Variants in VKORC1L1 observed in about 807,000 individuals in gnomAD.
VKORC1L1 encodes the protein vitamin K epoxide reductase complex subunit 1L1, also known as vitamin K epoxide reductase complex subunit 1-like protein 1.
In VKORC1L1, 2 loss-of-function variants were observed where a neutral mutation model predicts 18.9. That is an observed-to-expected ratio of 0.11 (90% CI 0.04 to 0.33). The LOEUF is 0.33. VKORC1L1 is among the 10% of genes least tolerant of loss of function. The pLI is 1.00. For missense variants in VKORC1L1, 123 were observed against 224.1 expected (o/e 0.55, Z 2.88); for synonymous variants, 96 against 100.0 (o/e 0.96, Z 0.24).
At chr7:65,937,243 A>ACCC (rs1554301274) in intron 1 of VKORC1L1, among the ~76,000 whole-genome samples, 1 of 152,078 alleles carries the variant, frequency 6.6e-6, no homozygotes, top group Non-Finnish European at 1.5e-5. Context: ...TCCAGTTTTT[A>ACCC]CTCTCCTCTA....
At chr7:65,906,078 C>T (rs992901432) in intron 1 of VKORC1L1, among the ~76,000 whole-genome samples, 1 of 151,834 alleles carries the variant, frequency 6.6e-6, no homozygotes, top group Admixed American at 6.6e-5. Flanking sequence ...GTTTTGAAGA[C>T]ACATTCCGTA....
intron 1 of VKORC1L1, among the ~76,000 whole-genome samples, chr7:65,883,531 A>C (rs1386585231): frequency 6.6e-6 from 1 of 151,234 alleles, no homozygotes; most frequent in Non-Finnish European, 1.5e-5. Flanking sequence ...ACGGAGTTTC[A>C]CTCTTTCACC....
rs920310433 is a variant in VKORC1L1 at position 65,959,389 on chromosome 7, TAA to T, written c.*5092_*5093del. 5 of 151,970 alleles carry T rather than the reference TAA, an allele frequency of 3.3e-5. No individual in the cohort carries two copies. Among genetic ancestry groups the T allele is most frequent in the African/African-American group, 2.4e-5 (1 of 41,234 alleles). 9.4% of individuals were successfully genotyped at this position (151,970 alleles called of 1,614,324 possible). ...TTAACTTTTCTTAATGTTTGTCAAC[TAA>T]AAGTTTTATTCATTATACTTTGACA... On this transcript the variant is annotated 3_prime_UTR_variant, in exon 3 of 3. Transcript: ENST00000360768.
chr7:65,907,168 G>A (rs1351112497), intron 1 of VKORC1L1, among the ~76,000 whole-genome samples: 3 of 152,062 alleles, frequency 2.0e-5, no homozygotes, highest in Admixed American at 1.3e-4. Context: ...GGCCAGGCTC[G>A]GTGGCTCATG....
intron 2 of VKORC1L1, among the ~76,000 whole-genome samples, chr7:65,952,763 G>A (rs1476320789): frequency 6.9e-6 from 1 of 145,368 alleles, no homozygotes; most frequent in Admixed American, 7.3e-5. Context: ...CAGAATTCAG[G>A]TGCCTTTTTT....
At position 65,929,492 on chromosome 7, in the gene VKORC1L1, C is replaced by T. The variant is rs145805924; in HGVS notation, c.195-19179C>T. Among the ~76,000 whole-genome samples, 80 of 152,144 alleles carry T rather than the reference C, an allele frequency of 5.3e-4. 1 individual carries two copies. The highest frequency in any genetic ancestry group is 1.8e-3 in the African/African-American group (73 of 41,526). On this transcript the variant is annotated intron_variant, in intron 1 of 2. Coordinates refer to ENST00000360768, the MANE Select transcript of VKORC1L1 (RefSeq NM_173517.6). ...GATCATTGTGTCTGTCCTTTCACCA[C>T]TACCACACTGTCTTGATTACAGTAG...
chr7:65,935,871 T>A (rs932393193), intron 1 of VKORC1L1, among the ~76,000 whole-genome samples: 6 of 152,186 alleles, frequency 3.9e-5, no homozygotes, highest in African/African-American at 1.4e-4. Context: ...TGCATCAATC[T>A]CTTTCTTTCT....
chr7:65,892,473 A>T (rs1442046757), intron 1 of VKORC1L1, among the ~76,000 whole-genome samples: 1 of 152,012 alleles, frequency 6.6e-6, no homozygotes, highest in Non-Finnish European at 1.5e-5. Context: ...ACGATATCTC[A>T]TTGTAGTTTT....
At chr7:65,915,895 G>A (rs2115596509) in intron 1 of VKORC1L1, among the ~76,000 whole-genome samples, 2 of 152,128 alleles carry the variant, frequency 1.3e-5, no homozygotes, top group East Asian at 3.9e-4. Context: ...CAGATCACTT[G>A]AGGTCAGGAG....
the VKORC1L1 span, among the ~76,000 whole-genome samples, chr7:65,867,824 C>T: frequency 6.6e-6 from 1 of 152,068 alleles, no homozygotes. Context: ...ACCATGGGAG[C>T]AATGTTAAAG....
intron 1 of VKORC1L1, among the ~76,000 whole-genome samples, chr7:65,934,570 A>G (rs534842179): frequency 2.6e-5 from 4 of 151,594 alleles, no homozygotes; most frequent in East Asian, 1.9e-4. Context: ...CCACCATTCT[A>G]CTCTCTGCTT....
chr7:65,936,269 T>C (rs1194836019), intron 1 of VKORC1L1, among the ~76,000 whole-genome samples: 1 of 152,204 alleles, frequency 6.6e-6, no homozygotes, highest in African/African-American at 2.4e-5. Flanking sequence ...AGCATCTGTG[T>C]CATCTCAGGG....
chr7:65,895,453 GAAAAAAAAAAAAAAA>G (rs1167891625), intron 1 of VKORC1L1, among the ~76,000 whole-genome samples: 2 of 26,666 alleles, frequency 7.5e-5, no homozygotes, highest in African/African-American at 2.2e-4. Flanking sequence ...CCATCTGTGA[GAAAAAAAAAAAAAAA>G]AAAAAAAAAA....
chr7:65,921,676 G>A (rs950502901), intron 1 of VKORC1L1, among the ~76,000 whole-genome samples: 4 of 152,068 alleles, frequency 2.6e-5, no homozygotes, highest in African/African-American at 4.8e-5. Flanking sequence ...GTGAAACCCC[G>A]TCTCTACTAA....
intron 1 of VKORC1L1, among the ~76,000 whole-genome samples, chr7:65,922,134 G>T (rs1789686045): frequency 6.6e-6 from 1 of 151,922 alleles, no homozygotes; most frequent in African/African-American, 2.4e-5. Context: ...TGTCATTATT[G>T]TCATTTATTT....
chr7:65,910,347 G>A, intron 1 of VKORC1L1, among the ~76,000 whole-genome samples: 1 of 148,436 alleles, frequency 6.7e-6, no homozygotes, highest in East Asian at 2.0e-4. Context: ...ATACTGTTTA[G>A]TTCAACTGAC....
intron 1 of VKORC1L1, among the ~76,000 whole-genome samples, chr7:65,901,405 G>C (rs1789313657): frequency 6.6e-6 from 1 of 152,144 alleles, no homozygotes; most frequent in Admixed American, 6.6e-5. Context: ...TACTTGATTT[G>C]CGATATGTAT....
chr7:65,873,672 G>C, intron 1 of VKORC1L1, 107 bp downstream of exon 1: 1 of 1,146,184 alleles, frequency 8.7e-7, no homozygotes, highest in Non-Finnish European at 1.1e-6. Context: ...GGCGGGGACC[G>C]GGCCGCTGGG....
chr7:65,910,203 G>A (rs1413838689), intron 1 of VKORC1L1, among the ~76,000 whole-genome samples: 1 of 152,106 alleles, frequency 6.6e-6, no homozygotes, highest in Non-Finnish European at 1.5e-5. Context: ...TTTCTCCTCA[G>A]TACCATTGTT....
Sources: gnomAD v4.1 joint callset for allele counts (sites outside exome capture counted in the v4.1 genomes callset) on GRCh38, gnomAD v4.1.1 for gene constraint, MANE v1.5 for transcripts, NCBI Gene and HGNC (gene_info 2026-07-23, HGNC 2026-07-21) for gene names.